Variants in AK7 observed in about 807,000 individuals in gnomAD.
AK7 encodes the protein ATP-AMP transphosphorylase 7.
A neutral mutation model predicts 96.6 loss-of-function variants in AK7; 78 were observed. The ratio of observed to expected loss-of-function variants is 0.81; its 90% CI spans 0.67 to 0.97. The LOEUF (loss-of-function observed/expected upper bound fraction) is 0.97, where lower values mean the gene tolerates loss of function less well. AK7 is among the 50% of genes least tolerant of loss of function. The pLI is 0.00. For missense variants in AK7, 855 were observed against 887.9 expected (o/e 0.96, Z 0.47); for synonymous variants, 302 against 317.2 (o/e 0.95, Z 0.51).
At chr14:96,475,709 C>T (rs538269875) in intron 14 of AK7, among the ~76,000 whole-genome samples, 19 of 152,244 alleles carry the variant, frequency 1.2e-4, no homozygotes, top group East Asian at 1.2e-3. Flanking sequence ...TGGTGGCTCA[C>T]GCCTGCAATT....
chr14:96,446,979 A>T (rs965534933), intron 8 of AK7, among the ~76,000 whole-genome samples: 8 of 152,152 alleles, frequency 5.3e-5, no homozygotes, highest in African/African-American at 1.9e-4. Context: ...AAAATAAATT[A>T]AAAAGTTTTG....
Position 96,399,080 on chromosome 14 carries a change from C to T in AK7, c.294+817C>T, listed in dbSNP as rs1433569805. On this transcript the variant is annotated intron_variant, in intron 2 of 17. Transcript: ENST00000267584. The surrounding 1 kb of genome is among the most constrained non-coding windows in gnomAD (Gnocchi z 4.1). ...CCCAGTTTGGATTCTGAGCTCTTTT[C>T]TGAGCTCCCATATCATCCTTTGCCT... The T allele has an allele frequency of 4.1e-5, 6 of 146,680 alleles. No individual in the cohort carries two copies. The highest frequency in any genetic ancestry group is 9.2e-5 in the Non-Finnish European group (6 of 65,474). 9.1% of individuals were successfully genotyped at this position (146,680 alleles called of 1,614,324 possible). A position where few individuals can be genotyped will look rare whatever the true frequency, so the allele number is the denominator to read the frequency against.
intron 5 of AK7, among the ~76,000 whole-genome samples, chr14:96,432,146 T>C (rs1892385590): frequency 6.6e-6 from 1 of 151,924 alleles, no homozygotes; most frequent in Admixed American, 6.6e-5. Context: ...CTATGCTCCG[T>C]TGAATAGGAG....
chr14:96,468,073 CAAAAAAA>C (rs35563628), intron 12 of AK7, among the ~76,000 whole-genome samples: 11 of 79,114 alleles, frequency 1.4e-4, no homozygotes, highest in Non-Finnish European at 2.3e-4. Flanking sequence ...CCCGTCTCTA[CAAAAAAA>C]AAAAAAAAAA....
intron 4 of AK7, among the ~76,000 whole-genome samples, chr14:96,415,400 G>C (rs753522779): frequency 4.6e-5 from 7 of 152,140 alleles, no homozygotes; most frequent in Admixed American, 3.9e-4. Flanking sequence ...TTGATTCCAT[G>C]TATATTTGAA....
At chr14:96,423,982 G>T (rs943424215) in intron 5 of AK7, 2 of 904,174 alleles carry the variant, frequency 2.2e-6, no homozygotes, top group African/African-American at 1.6e-5. Flanking sequence ...CCTGTATTGG[G>T]GATCCTTCCT....
intron 13 of AK7, 32 bp from the exon 14 acceptor site, chr14:96,472,655 T>A: frequency 1.3e-6 from 2 of 1,570,538 alleles, no homozygotes; most frequent in Non-Finnish European, 1.8e-6. Context: ...AATATATTAA[T>A]AAACACAATG....
intron 1 of AK7, among the ~76,000 whole-genome samples, chr14:96,397,174 A>G (rs913594934): frequency 6.6e-6 from 1 of 152,250 alleles, no homozygotes; most frequent in Non-Finnish European, 1.5e-5. Flanking sequence ...ATAAAAATAA[A>G]ATATCTCAAT....
At chr14:96,394,830 G>T (rs1447673877) in intron 1 of AK7, among the ~76,000 whole-genome samples, 2 of 152,124 alleles carry the variant, frequency 1.3e-5, no homozygotes, top group African/African-American at 4.8e-5. Context: ...ACAAAAATTA[G>T]CCAGGTGTGG....
chr14:96,430,021 G>A (rs1477980112), intron 5 of AK7, among the ~76,000 whole-genome samples: 4 of 152,150 alleles, frequency 2.6e-5, no homozygotes, highest in African/African-American at 9.7e-5. Context: ...TGGTGAGAGA[G>A]GGCATCCCTG....
intron 14 of AK7, among the ~76,000 whole-genome samples, chr14:96,478,095 TCA>T (rs1461303323): frequency 6.6e-6 from 1 of 151,180 alleles, no homozygotes; most frequent in African/African-American, 2.4e-5. Flanking sequence ...GAAGCTGATA[TCA>T]CAGGGTTATC....
At chr14:96,471,705 G>C (rs992666356) in intron 13 of AK7, 99 bp downstream of exon 13, 37 of 1,044,238 alleles carry the variant, frequency 3.5e-5, no homozygotes, top group Non-Finnish European at 4.4e-5. Flanking sequence ...CAGAAAACTA[G>C]AGAGACTATT....
At chr14:96,448,630 T>TA (rs71103528) in intron 8 of AK7, among the ~76,000 whole-genome samples, 5,338 of 74,070 alleles carry the variant, frequency 0.072, 444 homozygotes, top group Non-Finnish European at 0.1. Flanking sequence ...ACCCTATCTC[T>TA]AAAAAAAAAA....
intron 4 of AK7, among the ~76,000 whole-genome samples, chr14:96,411,465 C>A (rs1056561240): frequency 6.6e-6 from 1 of 151,632 alleles, no homozygotes; most frequent in East Asian, 1.9e-4. Flanking sequence ...GAGCAGAGAT[C>A]GCACCACTGT....
chr14:96,394,102 C>T (rs1377218241), intron 1 of AK7, among the ~76,000 whole-genome samples: 1 of 150,696 alleles, frequency 6.6e-6, no homozygotes, highest in Non-Finnish European at 1.5e-5. Context: ...GAGTGAAACT[C>T]CATCTCAAAA....
chr14:96,472,243 C>A (rs1451218202), intron 13 of AK7, among the ~76,000 whole-genome samples: 1 of 152,192 alleles, frequency 6.6e-6, no homozygotes, highest in Admixed American at 6.5e-5. Context: ...TTTACTGCAG[C>A]CTTGACCTCC....
At chr14:96,419,069 A>T (rs1368367898) in intron 4 of AK7, among the ~76,000 whole-genome samples, 1 of 152,186 alleles carries the variant, frequency 6.6e-6, no homozygotes, top group Non-Finnish European at 1.5e-5. Context: ...AGGTTTTAAC[A>T]TAGTTATTTT....
At chr14:96,447,081 G>A (rs4905493) in intron 8 of AK7, among the ~76,000 whole-genome samples, 131,343 of 152,252 alleles carry the variant, frequency 0.86, 56,963 homozygotes, top group East Asian at 0.96. Flanking sequence ...TATATACTTT[G>A]AGGTTACTAC....
intron 16 of AK7, 32 bp from the exon 17 acceptor site, chr14:96,486,866 C>T (rs371293799): frequency 3.5e-5 from 56 of 1,578,492 alleles, no homozygotes; most frequent in Non-Finnish European, 4.8e-5. Context: ...TCTCACTACA[C>T]ATTTACTTTA....
Sources: allele counts gnomAD v4.1 joint callset (sites outside exome capture counted in the v4.1 genomes callset), GRCh38; gene constraint gnomAD v4.1.1; non-coding constraint Gnocchi (gnomAD v3.1); transcripts MANE v1.5; gene names NCBI Gene and HGNC (gene_info 2026-07-23, HGNC 2026-07-21).